NALF1: variants seen among roughly 807,000 people sequenced by gnomAD.
The protein encoded by NALF1 is NALCN channel auxiliary factor 1, also known as family with sequence similarity 155 member A.
In NALF1, 3 loss-of-function variants were observed where a neutral mutation model predicts 48.4. That is an observed-to-expected ratio of 0.06 (90% CI 0.03 to 0.16). NALF1 has a LOEUF of 0.16. NALF1 is among the 10% of genes least tolerant of loss of function. NALF1 has a pLI of 1.00. For missense variants in NALF1, 526 were observed against 571.5 expected, an observed-to-expected ratio of 0.92 and a Z score of 0.81; for synonymous variants, 262 against 245.7, an observed-to-expected ratio of 1.07 and a Z score of -0.62.
intron 1 of NALF1, among the ~76,000 whole-genome samples, chr13:107,407,543 C>T (rs1853516): frequency 6.6e-6 from 1 of 151,932 alleles, no homozygotes; most frequent in East Asian, 1.9e-4. Flanking sequence ...AAATGCCAAT[C>T]AAAACTACTG....
At chr13:107,802,828 C>G (rs2138598483) in intron 1 of NALF1, among the ~76,000 whole-genome samples, 1 of 152,214 alleles carries the variant, frequency 6.6e-6, no homozygotes, top group South Asian at 2.1e-4. Flanking sequence ...ATTCCCATTA[C>G]TACATTTTAT....
chr13:107,584,852 C>G (rs960497302), intron 1 of NALF1, among the ~76,000 whole-genome samples: 1 of 152,140 alleles, frequency 6.6e-6, no homozygotes, highest in Admixed American at 6.5e-5. Flanking sequence ...TATTTTGCAG[C>G]CTGCTTCTTT....
chr13:107,435,800 G>C (rs557051210), intron 1 of NALF1, among the ~76,000 whole-genome samples: 3 of 151,946 alleles, frequency 2.0e-5, no homozygotes, highest in Non-Finnish European at 2.9e-5. Flanking sequence ...CGGCGGGGGA[G>C]GGGGGGAAGA....
At chr13:107,262,411 T>C (rs1258128323) in intron 1 of NALF1, among the ~76,000 whole-genome samples, 1 of 151,986 alleles carries the variant, frequency 6.6e-6, no homozygotes, top group Admixed American at 6.6e-5. Flanking sequence ...CAAAACTCTG[T>C]CTCAAAAAAA....
intron 1 of NALF1, among the ~76,000 whole-genome samples, chr13:107,242,256 T>C (rs1880486248): frequency 6.6e-6 from 1 of 152,162 alleles, no homozygotes; most frequent in African/African-American, 2.4e-5. Context: ...CTCTCCCGTT[T>C]CCACCCTCTC....
At chr13:107,445,941 G>A (rs1330581473) in intron 1 of NALF1, among the ~76,000 whole-genome samples, 1 of 151,948 alleles carries the variant, frequency 6.6e-6, no homozygotes, top group African/African-American at 2.4e-5. Context: ...TTTATATTTG[G>A]GACAGATTTT....
At chr13:107,486,487 G>T (rs1450418171) in intron 1 of NALF1, among the ~76,000 whole-genome samples, 1 of 152,054 alleles carries the variant, frequency 6.6e-6, no homozygotes, top group Non-Finnish European at 1.5e-5. Flanking sequence ...CTCTTTTCCG[G>T]ATCCCCACAT....
rs575571884 is a variant in NALF1 at position 107,315,224 on chromosome 13, TTTTCTTATAAATATAAA to T, written c.916-104486_916-104470del. 1.8e-3 allele frequency among the ~76,000 whole-genome samples: 273 copies of T among 152,080 alleles called. 2 individuals are homozygous for T. Among genetic ancestry groups the T allele is most frequent in the Non-Finnish European group, 2.8e-3 (189 of 67,996 alleles). The stretch of plus-strand genomic sequence containing the variant: ...TTTGTATACAGTAATACATTCTTTG[TTTTCTTATAAATATAAA>T]TTTCTTATAAATATAAAAATATAAA... On this transcript the variant is annotated intron_variant, in intron 1 of 2. Transcript: ENST00000375915.
intron 1 of NALF1, among the ~76,000 whole-genome samples, chr13:107,487,493 T>G (rs1050076429): frequency 6.6e-6 from 1 of 152,214 alleles, no homozygotes; most frequent in Non-Finnish European, 1.5e-5. Flanking sequence ...AGTTATGCCA[T>G]GCACAAGACC....
At chr13:107,530,765 A>T (rs1022209151) in intron 1 of NALF1, among the ~76,000 whole-genome samples, 1 of 152,094 alleles carries the variant, frequency 6.6e-6, no homozygotes, top group African/African-American at 2.4e-5. Flanking sequence ...TCCAGAGCTG[A>T]GGCTAATCAT....
rs2138988148 is a variant in NALF1, at chr13:107,397,445, C to G, written c.916-186690G>C. Among the ~76,000 whole-genome samples the G allele has an allele frequency of 1.3e-5, 2 of 152,262 alleles. 1 individual carries two copies. On this transcript the variant is annotated intron_variant, in intron 1 of 2. Transcript: ENST00000375915. ...TCAAACTCACTGCACCCACATGGTA[C>G]TGCTAAGTTAGGCTGACATGCCCAT... is the stretch of plus-strand genomic sequence containing the variant.
At position 107,564,951 on chromosome 13, in the gene NALF1, C is replaced by T. The variant is rs138041558; in HGVS notation, c.915+300731G>A. ...TTGCCTCTACTACTGGGACCACGTG[C>T]GGCCACTCAGCACAAAAATTTCCCC... On this transcript the variant is annotated intron_variant, in intron 1 of 2. Coordinates refer to ENST00000375915, the MANE Select transcript of NALF1 (RefSeq NM_001080396.3). Among the ~76,000 whole-genome samples the T allele has an allele frequency of 4.0e-5, 6 of 151,070 alleles. No individual in the cohort carries two copies. In the East Asian group the frequency reaches 7.9e-4, roughly 20 times the overall value.
At chr13:107,626,369 A>G (rs1482721638) in intron 1 of NALF1, among the ~76,000 whole-genome samples, 1 of 152,052 alleles carries the variant, frequency 6.6e-6, no homozygotes, top group Non-Finnish European at 1.5e-5. Context: ...TCCTCAAAAA[A>G]CTAGCAATAG....
intron 2 of NALF1, among the ~76,000 whole-genome samples, chr13:107,193,369 T>G (rs1245108627): frequency 2.0e-5 from 3 of 152,158 alleles, no homozygotes; most frequent in Non-Finnish European, 2.9e-5. Flanking sequence ...TGCGGATGGT[T>G]TGCAGTGCAT....
chr13:107,215,211 G>A (rs1000180203), intron 1 of NALF1, among the ~76,000 whole-genome samples: 47 of 152,172 alleles, frequency 3.1e-4, no homozygotes, highest in African/African-American at 1.0e-3. Flanking sequence ...CATGTTATTC[G>A]GAAGGTATCA....
At chr13:107,488,100 G>A (rs546122353) in intron 1 of NALF1, among the ~76,000 whole-genome samples, 1 of 151,588 alleles carries the variant, frequency 6.6e-6, no homozygotes, top group South Asian at 2.1e-4. Context: ...GTATTTCTGT[G>A]GGGTCAGCTG....
chr13:107,445,774 C>T (rs544605468), intron 1 of NALF1, among the ~76,000 whole-genome samples: 186 of 152,226 alleles, frequency 1.2e-3, no homozygotes, highest in Admixed American at 3.5e-3. Flanking sequence ...GATATATCAT[C>T]GTAGTGTTAT....
At chr13:107,506,964 T>G (rs1875715846) in intron 1 of NALF1, among the ~76,000 whole-genome samples, 1 of 152,142 alleles carries the variant, frequency 6.6e-6, no homozygotes. Context: ...AACTATTATA[T>G]AATTCAGAAA....
intron 1 of NALF1, among the ~76,000 whole-genome samples, chr13:107,679,844 T>C (rs1881231707): frequency 6.6e-6 from 1 of 152,192 alleles, no homozygotes; most frequent in African/African-American, 2.4e-5. Context: ...ACTGAAGAAT[T>C]AGGTTTCTTA....
Sources: allele counts gnomAD v4.1 joint callset (sites outside exome capture counted in the v4.1 genomes callset), GRCh38; gene constraint gnomAD v4.1.1; transcripts MANE v1.5; gene names NCBI Gene and HGNC (gene_info 2026-07-23, HGNC 2026-07-21).